GAS2: variants seen among roughly 807,000 people sequenced by gnomAD.
GAS2 encodes the protein growth arrest-specific protein 2.
Under a neutral mutation model 37.5 loss-of-function variants are expected in GAS2, and 20 were observed. That is an observed-to-expected ratio of 0.53 (90% CI 0.37 to 0.77). GAS2 has a LOEUF of 0.77. Ranked by LOEUF, GAS2 falls within the 30% of genes least tolerant of loss-of-function variation. GAS2 has a pLI of 0.00. For missense variants in GAS2, 336 were observed against 373.4 expected, an observed-to-expected ratio of 0.90 and a Z score of 0.82; for synonymous variants, 144 against 132.2, an observed-to-expected ratio of 1.09 and a Z score of -0.61.
At chr11:22,642,018 A>T (rs556924369) in intron 1 of GAS2, among the ~76,000 whole-genome samples, 3 of 152,340 alleles carry the variant, frequency 2.0e-5, no homozygotes, top group Non-Finnish European at 4.4e-5. Flanking sequence ...TTGTAGATGG[A>T]CTAAGATTGT....
intron 7 of GAS2, among the ~76,000 whole-genome samples, chr11:22,786,446 G>A (rs985665626): frequency 1.3e-5 from 2 of 152,090 alleles, no homozygotes; most frequent in South Asian, 2.1e-4. Context: ...ATAGATAAGC[G>A]TTTATCCACT....
chr11:22,777,879 T>C (rs1855343665), intron 7 of GAS2, among the ~76,000 whole-genome samples: 1 of 152,190 alleles, frequency 6.6e-6, no homozygotes, highest in South Asian at 2.1e-4. Flanking sequence ...TATACAATTG[T>C]AGGTGGAGCA....
chr11:22,734,900 T>A (rs1016766253), intron 4 of GAS2, among the ~76,000 whole-genome samples: 1 of 151,834 alleles, frequency 6.6e-6, no homozygotes, highest in Non-Finnish European at 1.5e-5. Flanking sequence ...CAAAGTCACC[T>A]TTTTAGTATA....
intron 1 of GAS2, among the ~76,000 whole-genome samples, chr11:22,637,748 A>T (rs1396806322): frequency 9.7e-5 from 14 of 144,126 alleles, no homozygotes; most frequent in Non-Finnish European, 4.5e-5. Context: ...TTTATATTTA[A>T]ATGTAAATTA....
At chr11:22,692,965 A>T (rs1386675215) in intron 3 of GAS2, among the ~76,000 whole-genome samples, 1 of 152,128 alleles carries the variant, frequency 6.6e-6, no homozygotes, top group African/African-American at 2.4e-5. Context: ...CTACTACTAG[A>T]TGCTGAAACT....
intron 1 of GAS2, among the ~76,000 whole-genome samples, chr11:22,649,786 C>T (rs866156071): frequency 2.2e-4 from 33 of 151,588 alleles, no homozygotes; most frequent in South Asian, 4.2e-4. Flanking sequence ...TTTTTTATTG[C>T]GTCTATTTGA....
intron 3 of GAS2, among the ~76,000 whole-genome samples, chr11:22,692,934 G>A (rs1850321334): frequency 6.6e-6 from 1 of 151,948 alleles, no homozygotes; most frequent in Non-Finnish European, 1.5e-5. Flanking sequence ...TTCCTAAAAG[G>A]GCAATGTTCC....
At chr11:22,633,724 A>T (rs1466798759) in intron 1 of GAS2, among the ~76,000 whole-genome samples, 1 of 152,120 alleles carries the variant, frequency 6.6e-6, no homozygotes, top group African/African-American at 2.4e-5. Context: ...TAGTTCCCCA[A>T]CCAGGCCAGC....
chr11:22,800,793 A>G (rs1210044481), intron 7 of GAS2, among the ~76,000 whole-genome samples: 2 of 152,098 alleles, frequency 1.3e-5, no homozygotes, highest in African/African-American at 4.8e-5. Context: ...TAAAATATAA[A>G]CATGAACTTT....
At chr11:22,694,810 C>T (rs927100178) in intron 3 of GAS2, among the ~76,000 whole-genome samples, 5 of 152,064 alleles carry the variant, frequency 3.3e-5, no homozygotes, top group African/African-American at 9.7e-5. Context: ...CAGACTAATA[C>T]CCTCAAAATC....
intron 7 of GAS2, among the ~76,000 whole-genome samples, chr11:22,806,020 G>A (rs1856866052): frequency 6.6e-6 from 1 of 152,012 alleles, no homozygotes; most frequent in Admixed American, 6.6e-5. Flanking sequence ...TGTGTCTTGT[G>A]CTGACCTTAT....
intron 4 of GAS2, chr11:22,731,375 G>GAATCTACTC (rs1331071078): frequency 2.0e-5 from 9 of 447,800 alleles, no homozygotes; most frequent in South Asian, 9.6e-5. Flanking sequence ...CTCTGAGAAA[G>GAATCTACTC]AATCTACTCA....
chr11:22,683,049 G>A (rs952648816), intron 2 of GAS2, among the ~76,000 whole-genome samples: 1 of 151,942 alleles, frequency 6.6e-6, no homozygotes, highest in African/African-American at 2.4e-5. Flanking sequence ...CCTGTGTGGT[G>A]AGTATTTAAA....
At chr11:22,626,101 C>T (rs1032292696) in intron 1 of GAS2, 1 of 491,192 alleles carries the variant, frequency 2.0e-6, no homozygotes, top group African/African-American at 1.9e-5. Context: ...ATGAACGTCT[C>T]CGCGCTTCCT....
Position 22,749,125 on chromosome 11 carries a change from G to T in GAS2, c.479G>T (p.Gly160Val). 6.2e-7 allele frequency: 1 copy of T among 1,611,692 alleles called. No homozygotes were observed. The highest frequency in any genetic ancestry group is 2.2e-5 in the East Asian group (1 of 44,762). ...LELGRIAARYGVEPPGLIKLE... is the reference protein window; with the variant it reads ...LELGRIAARYVVEPPGLIKLE... Reference sequence around the variant, plus strand: ...GATCCAGGGTCTTTTTAAAGGTATGGTGTGGAGCCTCCTGGTTTGATAAAG... The same window carrying T: ...GATCCAGGGTCTTTTTAAAGGTATGTTGTGGAGCCTCCTGGTTTGATAAAG... Residue 160 changes from glycine (G) to valine (V), a missense_variant, in exon 6 of 8, where the codon GGT (glycine) becomes GTT (valine). Physicochemically the swap from Gly to Val is moderately radical, Grantham distance 109 (BLOSUM62 -3). Transcript: ENST00000454584.
chr11:22,705,069 C>T (rs2134047398), intron 3 of GAS2, among the ~76,000 whole-genome samples: 1 of 152,196 alleles, frequency 6.6e-6, no homozygotes, highest in East Asian at 1.9e-4. Context: ...CACTTCTTAG[C>T]TCAAATTTTT....
chr11:22,703,671 T>A (rs1443467686), intron 3 of GAS2, among the ~76,000 whole-genome samples: 1 of 152,184 alleles, frequency 6.6e-6, no homozygotes, highest in Non-Finnish European at 1.5e-5. Context: ...GTGGTACTGG[T>A]ACATTACAGA....
At chr11:22,673,031 A>G (rs914753057) in intron 1 of GAS2, among the ~76,000 whole-genome samples, 1 of 152,190 alleles carries the variant, frequency 6.6e-6, no homozygotes, top group African/African-American at 2.4e-5. Context: ...ATAGATATAT[A>G]TAAGATGTTT....
At chr11:22,671,320 T>C (rs896393658) in intron 1 of GAS2, among the ~76,000 whole-genome samples, 29 of 152,110 alleles carry the variant, frequency 1.9e-4, no homozygotes, top group Admixed American at 9.8e-4. Context: ...AAGGGTTGGT[T>C]ATCCATTTTA....
Sources: allele counts gnomAD v4.1 joint callset (sites outside exome capture counted in the v4.1 genomes callset), GRCh38; gene constraint gnomAD v4.1.1; transcripts MANE v1.5; gene names NCBI Gene and HGNC (gene_info 2026-07-23, HGNC 2026-07-21).